Variants in ENOX1 observed in about 807,000 individuals in gnomAD.
The protein encoded by ENOX1 is ecto-NOX disulfide-thiol exchanger 1.
ENOX1 carries 42 observed loss-of-function variants against 82.5 expected under a neutral mutation model. That is an observed-to-expected ratio of 0.51 (90% CI 0.40 to 0.66). ENOX1 has a LOEUF of 0.66. ENOX1 is among the 30% of genes least tolerant of loss of function. The probability of loss-of-function intolerance (pLI) is 0.00; values close to 1 mark genes in which losing one functional copy is unlikely to be tolerated. For missense variants in ENOX1, 608 were observed against 811.6 expected (o/e 0.75, Z 3.05); for synonymous variants, 271 against 282.2 (o/e 0.96, Z 0.40).
At chr13:43,290,017 C>A (rs577458333) in intron 12 of ENOX1, among the ~76,000 whole-genome samples, 1 of 151,970 alleles carries the variant, frequency 6.6e-6, no homozygotes, top group Non-Finnish European at 1.5e-5. Flanking sequence ...AGCAAAACCA[C>A]GAAGAGATAC....
chr13:43,581,954 T>C (rs1359425392), intron 2 of ENOX1, among the ~76,000 whole-genome samples: 2 of 152,240 alleles, frequency 1.3e-5, no homozygotes, highest in Non-Finnish European at 2.9e-5. Flanking sequence ...TAGTATGTTC[T>C]ACATGCATGT....
At chr13:43,741,896 T>C (rs982338285) in intron 1 of ENOX1, among the ~76,000 whole-genome samples, 1 of 152,230 alleles carries the variant, frequency 6.6e-6, no homozygotes, top group Non-Finnish European at 1.5e-5. Flanking sequence ...TTTAAAATAT[T>C]TTTGAATTAA....
intron 2 of ENOX1, among the ~76,000 whole-genome samples, chr13:43,521,186 C>T (rs985183122): frequency 2.0e-5 from 3 of 152,076 alleles, no homozygotes; most frequent in Non-Finnish European, 4.4e-5. Context: ...TGTCTAGAAA[C>T]AGGTTTTTTT....
rs968754523 is a variant in ENOX1, at chr13:43,266,435, C to CA, written c.1555-982dup. 1.4e-4 allele frequency among the ~76,000 whole-genome samples: 21 copies of CA among 151,646 alleles called. No homozygotes were observed. The South Asian group carries it at 2.9e-3, about 21-fold the overall frequency. On this transcript the variant is annotated intron_variant, in intron 13 of 16. Coordinates refer to ENST00000690772, the MANE Select transcript of ENOX1 (RefSeq NM_001347969.2). ...TTTAAGGCCAGTCTTAAACTCCCAG[C>CA]AAAAAAAAGCCCTACCCGCTCCATG...
chr13:43,786,532 T>G lies in ENOX1; in HGVS notation c.-285+120A>C, dbSNP rs1428353762. 1 of 151,428 alleles carries G rather than the reference T, an allele frequency of 6.6e-6. No homozygotes were observed. Among genetic ancestry groups the G allele is most frequent in the African/African-American group, 2.4e-5 (1 of 41,014 alleles). The allele number at this position is 151,428 out of a possible 1,614,324, so 9.4% of individuals were successfully genotyped here. A position where few individuals can be genotyped will look rare whatever the true frequency, so the allele number is the denominator to read the frequency against. On this transcript the variant is annotated intron_variant, in intron 1 of 16. Transcript: ENST00000690772. This position sits in a 1 kb window ranked among gnomAD's most constrained non-coding sequence, Gnocchi z 6.0. ...AGCCTCACCTCTAGCTCCACTCCCC[T>G]CCCCCCTCGCCCACTCCCCTCTCAG...
intron 1 of ENOX1, among the ~76,000 whole-genome samples, chr13:43,713,293 T>A (rs2087867300): frequency 1.3e-5 from 2 of 152,220 alleles, no homozygotes; most frequent in South Asian, 2.1e-4. Context: ...AACTTTTTGA[T>A]GTGCTGCTGG....
chr13:43,786,088 GTC>G lies in ENOX1; in HGVS notation c.-285+562_-285+563del, dbSNP rs1024960814. ...TCCGAGCTCCCCGCGAGAGGGGACAGTCACGAATAACAACAGTACCCAGCGCA... is the reference window on the plus strand; with the variant it reads ...TCCGAGCTCCCCGCGAGAGGGGACAGACGAATAACAACAGTACCCAGCGCA... On this transcript the variant is annotated intron_variant, in intron 1 of 16. Coordinates refer to ENST00000690772, the MANE Select transcript of ENOX1 (RefSeq NM_001347969.2). This position sits in a 1 kb window ranked among gnomAD's most constrained non-coding sequence, Gnocchi z 6.0. Among the ~76,000 whole-genome samples, 4 of 152,196 alleles carry G rather than the reference GTC, an allele frequency of 2.6e-5. No homozygotes were observed. The highest frequency in any genetic ancestry group is 6.5e-5 in the Admixed American group (1 of 15,290).
intron 2 of ENOX1, among the ~76,000 whole-genome samples, chr13:43,602,696 C>T (rs2081779571): frequency 6.6e-6 from 1 of 151,996 alleles, no homozygotes; most frequent in South Asian, 2.1e-4. Context: ...ATATCAGATT[C>T]TCCTAGGGAT....
At position 43,241,463 on chromosome 13, in the gene ENOX1, C is replaced by T. The variant is rs78127598; in HGVS notation, c.1612-4725G>A. Among the ~76,000 whole-genome samples the T allele has an allele frequency of 7.9e-3, 1,204 of 152,224 alleles. 17 individuals are homozygous for T. Among genetic ancestry groups the T allele is most frequent in the East Asian group, 0.058 (299 of 5,182 alleles). On this transcript the variant is annotated intron_variant, in intron 14 of 16. Transcript: ENST00000690772. ...TGAATTGTTAGTGGTATACAAAGTA[C>T]ACAGCGGGACGGGAACATTAGGATG...
intron 2 of ENOX1, 116 bp downstream of exon 2, chr13:43,667,363 A>G (rs557694418): frequency 1.4e-6 from 1 of 701,748 alleles, no homozygotes; most frequent in East Asian, 1.3e-4. Context: ...TGAACCCCAG[A>G]TATAACTAAG....
intron 1 of ENOX1, among the ~76,000 whole-genome samples, chr13:43,720,178 T>C (rs1014207532): frequency 1.3e-5 from 2 of 152,178 alleles, no homozygotes; most frequent in Admixed American, 1.3e-4. Flanking sequence ...ATAGATCCCA[T>C]GCAATATAAA....
chr13:43,379,369 T>C (rs2051869833), intron 5 of ENOX1, among the ~76,000 whole-genome samples: 1 of 151,806 alleles, frequency 6.6e-6, no homozygotes, highest in South Asian at 2.1e-4. Flanking sequence ...AAATAACACA[T>C]AGATGACAGA....
chr13:43,719,095 T>C lies in ENOX1; in HGVS notation c.-284-51551A>G, dbSNP rs571406371. On this transcript the variant is annotated intron_variant, in intron 1 of 16. Coordinates refer to ENST00000690772, the MANE Select transcript of ENOX1 (RefSeq NM_001347969.2). ...CTCAGGGCCTGATTCCAAGCTGATCTAGATGTAAGACAATCAGCATTTTAA... is the reference window on the plus strand; with the variant it reads ...CTCAGGGCCTGATTCCAAGCTGATCCAGATGTAAGACAATCAGCATTTTAA... Among the ~76,000 whole-genome samples, 15 of 152,284 alleles carry C rather than the reference T, an allele frequency of 9.9e-5. 3 individuals carry two copies. Among genetic ancestry groups the C allele is most frequent in the African/African-American group, 3.6e-4 (15 of 41,544 alleles).
intron 11 of ENOX1, among the ~76,000 whole-genome samples, chr13:43,301,929 G>A (rs2046600250): frequency 6.6e-6 from 1 of 152,024 alleles, no homozygotes; most frequent in African/African-American, 2.4e-5. Flanking sequence ...TAACTTCTCA[G>A]TATATTAAAA....
At chr13:43,647,039 T>A (rs1333928475) in intron 2 of ENOX1, among the ~76,000 whole-genome samples, 1 of 152,178 alleles carries the variant, frequency 6.6e-6, no homozygotes, top group African/African-American at 2.4e-5. Flanking sequence ...GGCCAATAGA[T>A]GGTCTCAGCA....
chr13:43,247,304 C>T (rs966634111), intron 14 of ENOX1, among the ~76,000 whole-genome samples: 25 of 152,114 alleles, frequency 1.6e-4, no homozygotes, highest in Non-Finnish European at 3.5e-4. Context: ...CAGAGTGAGA[C>T]TCCATCTCAA....
chr13:43,233,771 A>G (rs1409143560), intron 15 of ENOX1, among the ~76,000 whole-genome samples: 1 of 152,184 alleles, frequency 6.6e-6, no homozygotes, highest in African/African-American at 2.4e-5. Context: ...TGCAGATATG[A>G]TGAAGATTTT....
intron 1 of ENOX1, among the ~76,000 whole-genome samples, chr13:43,740,958 G>C (rs2089879688): frequency 6.6e-6 from 1 of 152,020 alleles, no homozygotes; most frequent in African/African-American, 2.4e-5. Flanking sequence ...TTGTGTACTA[G>C]TTTTGTGCAG....
Position 43,363,693 on chromosome 13 carries a change from T to C in ENOX1, c.209-2241A>G, listed in dbSNP as rs148845235. On this transcript the variant is annotated intron_variant, in intron 5 of 16. Transcript: ENST00000690772. ...ATTTAAGGCTGAAACCACTCAGGAC[T>C]GCAAACCCTGAAATGAGAGCCCTGT... is the stretch of plus-strand genomic sequence containing the variant. Among the ~76,000 whole-genome samples, 366 of 152,322 alleles carry C rather than the reference T, an allele frequency of 2.4e-3. 3 individuals are homozygous for C. Among genetic ancestry groups the C allele is most frequent in the Non-Finnish European group, 4.5e-3 (305 of 68,032 alleles).
Sources: gnomAD v4.1 joint callset for allele counts (sites outside exome capture counted in the v4.1 genomes callset) on GRCh38, gnomAD v4.1.1 for gene constraint, Gnocchi (gnomAD v3.1) non-coding constraint, MANE v1.5 for transcripts, NCBI Gene and HGNC (gene_info 2026-07-23, HGNC 2026-07-21) for gene names.